Variants in TSPEAR observed in about 807,000 individuals in gnomAD.
TSPEAR encodes the protein thrombospondin-type laminin G domain and EAR repeat-containing protein.
A neutral mutation model predicts 71.6 loss-of-function variants in TSPEAR; 69 were observed. The ratio of observed to expected loss-of-function variants is 0.96; its 90% CI spans 0.79 to 1.18. TSPEAR has a LOEUF of 1.18. Ranked by LOEUF, TSPEAR falls within the 50% of genes most tolerant of loss-of-function variation. The probability of loss-of-function intolerance (pLI) is 0.00; values close to 1 mark genes in which losing one functional copy is unlikely to be tolerated. For missense variants in TSPEAR, 971 were observed against 894.9 expected (o/e 1.09, Z -1.09); for synonymous variants, 402 against 387.2 (o/e 1.04, Z -0.45).
At position 44,527,332 on chromosome 21, in the gene TSPEAR, T is replaced by C. The variant is rs1335158101; in HGVS notation, c.1109A>G (p.His370Arg). 9.9e-6 allele frequency: 16 copies of C among 1,614,036 alleles called. No homozygotes were observed. The highest frequency in any genetic ancestry group is 1.3e-5 in the Non-Finnish European group (15 of 1,180,034). Reference protein sequence around the residue: ...KFVSYQNIPTHQAQAWRHFTI... With the variant: ...KFVSYQNIPTRQAQAWRHFTI... ...GAAATGCCTCCAGGCCTGTGCTTGG[T>C]GCGTGGGGATGTTCTGATATGAGAC... The change falls in exon 7 of 12, where the codon CAC becomes CGC. Residue 370 changes from histidine (H) to arginine (R), a missense_variant. Physicochemically the swap from His to Arg is conservative, Grantham distance 29. Coordinates refer to ENST00000323084, the MANE Select transcript of TSPEAR (RefSeq NM_144991.3).
chr21:44,606,214 C>T (rs1981305634), intron 1 of TSPEAR, among the ~76,000 whole-genome samples: 1 of 139,334 alleles, frequency 7.2e-6, no homozygotes, highest in Non-Finnish European at 1.5e-5. Flanking sequence ...GGGCAAAAGA[C>T]CTAAACAGAC....
rs782491986 is a variant in TSPEAR at position 44,647,381 on chromosome 21, CTG to C, written c.82+64050_82+64051del. The C allele has an allele frequency of 3.1e-5, 50 of 1,605,118 alleles. No homozygotes were observed. The African/African-American group carries it at 4.3e-4, about 14-fold the overall frequency. ...GTGCTCAATCCTTGTCTCCTGCTGA[CTG>C]TGTCTTTGCTGCCAAGCAGGATTCT... On this transcript the variant is annotated intron_variant, in intron 1 of 11. Coordinates refer to ENST00000323084, the MANE Select transcript of TSPEAR (RefSeq NM_144991.3).
chr21:44,517,592 G>C (rs1026955486), intron 9 of TSPEAR: 1 of 372,372 alleles, frequency 2.7e-6, no homozygotes, highest in Non-Finnish European at 5.4e-6. Context: ...GCACAGGTCA[G>C]GTCAGCCCCT....
At chr21:44,684,155 A>C (rs1228291714) in intron 1 of TSPEAR, among the ~76,000 whole-genome samples, 2 of 152,214 alleles carry the variant, frequency 1.3e-5, no homozygotes, top group African/African-American at 2.4e-5. Context: ...TCTCATGAGA[A>C]ACAGTGGAGA....
rs375375671 is a variant in TSPEAR at position 44,575,730 on chromosome 21, GT to G, written c.83-7726del. ...AAATGCCTCCCTAGCTTCAAAATCA[GT>G]AGTCTTCATCGACATTGCCTAAAAC... On this transcript the variant is annotated intron_variant, in intron 1 of 11. Coordinates refer to ENST00000323084, the MANE Select transcript of TSPEAR (RefSeq NM_144991.3). Among the ~76,000 whole-genome samples, 250 of 152,342 alleles carry G rather than the reference GT, an allele frequency of 1.6e-3. 4 individuals carry two copies. The highest frequency in any genetic ancestry group is 5.5e-3 in the African/African-American group (230 of 41,570).
chr21:44,501,136 C>A (rs1057476826), intron 11 of TSPEAR, among the ~76,000 whole-genome samples: 11 of 152,348 alleles, frequency 7.2e-5, no homozygotes, highest in African/African-American at 2.6e-4. Context: ...AAAACCCATC[C>A]TTTTCTCATT....
intron 1 of TSPEAR, among the ~76,000 whole-genome samples, chr21:44,606,396 A>G (rs1409436507): frequency 6.6e-6 from 1 of 152,216 alleles, no homozygotes; most frequent in Non-Finnish European, 1.5e-5. Flanking sequence ...GGATGTAGAA[A>G]AGAGGGAGTC....
At chr21:44,573,176 T>C (rs185232335) in intron 1 of TSPEAR, among the ~76,000 whole-genome samples, 32 of 152,254 alleles carry the variant, frequency 2.1e-4, no homozygotes, top group African/African-American at 6.7e-4. Flanking sequence ...TGACTCACAT[T>C]ATCTTTACTT....
intron 1 of TSPEAR, chr21:44,677,892 G>A: frequency 7.2e-7 from 1 of 1,394,534 alleles, no homozygotes; most frequent in Admixed American, 1.8e-5. Context: ...AGCCCATTTG[G>A]CATATAGGAT....
rs1980721015 is a variant in TSPEAR, at chr21:44,600,511, G to C, written c.83-32506C>G. On this transcript the variant is annotated intron_variant, in intron 1 of 11. Coordinates refer to ENST00000323084, the MANE Select transcript of TSPEAR (RefSeq NM_144991.3). ...TGTTGACACTCCAGCTGGGACAACAGACCAGGGAGACATATAAAAGCCAAC... is the reference window on the plus strand; with the variant it reads ...TGTTGACACTCCAGCTGGGACAACACACCAGGGAGACATATAAAAGCCAAC... 1.6e-5 allele frequency: 21 copies of C among 1,300,240 alleles called. No homozygotes were observed. In the South Asian group the frequency reaches 3.0e-4, roughly 19 times the overall value. 80.5% of individuals were successfully genotyped at this position (1,300,240 alleles called of 1,614,324 possible). A position where few individuals can be genotyped will look rare whatever the true frequency, so the allele number is the denominator to read the frequency against.
intron 1 of TSPEAR, among the ~76,000 whole-genome samples, chr21:44,674,100 C>T (rs587677573): frequency 1.7e-4 from 24 of 140,820 alleles, no homozygotes; most frequent in Non-Finnish European, 3.3e-4. Context: ...GTCTGAGCAA[C>T]ACAGTAAGAC....
intron 1 of TSPEAR, among the ~76,000 whole-genome samples, chr21:44,659,485 T>C (rs1052114857): frequency 1.8e-4 from 28 of 152,096 alleles, no homozygotes; most frequent in African/African-American, 6.5e-4. Flanking sequence ...CACACACTAA[T>C]GGCCTGACAG....
chr21:44,521,366 A>C (rs1351225640), intron 9 of TSPEAR, among the ~76,000 whole-genome samples: 3 of 152,092 alleles, frequency 2.0e-5, no homozygotes, highest in African/African-American at 4.8e-5. Context: ...TGCTGCCTCA[A>C]CTCAAAGGTC....
intron 1 of TSPEAR, among the ~76,000 whole-genome samples, chr21:44,629,790 T>C (rs1207106237): frequency 6.6e-6 from 1 of 152,238 alleles, no homozygotes; most frequent in African/African-American, 2.4e-5. Flanking sequence ...ACCAAATGGT[T>C]CCTGTTTAGG....
In TSPEAR at chr21:44,642,319, T is replaced by C. The variant is rs1984061079; in HGVS notation, c.82+69114A>G. Among the ~76,000 whole-genome samples, 1 of 152,220 alleles carries C rather than the reference T, an allele frequency of 6.6e-6. No homozygotes were observed. On this transcript the variant is annotated intron_variant, in intron 1 of 11. Transcript: ENST00000323084. This position sits in a 1 kb window ranked among gnomAD's most constrained non-coding sequence, Gnocchi z 4.1. ...TCAGCCTTCAATACAAAGACTTTTC[T>C]GTGATACTTGAAATATTCCAGAGAT... is the stretch of plus-strand genomic sequence containing the variant.
At chr21:44,576,533 T>A (rs1354025232) in intron 1 of TSPEAR, among the ~76,000 whole-genome samples, 2 of 149,974 alleles carry the variant, frequency 1.3e-5, no homozygotes, top group Non-Finnish European at 3.0e-5. Context: ...ACCTCATGGG[T>A]GAACATGCCC....
chr21:44,573,707 C>T, intron 1 of TSPEAR: 2 of 1,584,550 alleles, frequency 1.3e-6, no homozygotes, highest in South Asian at 1.2e-5. Context: ...CACTCGCTCA[C>T]CCACTCCCTC....
At chr21:44,569,085 CAGG>C (rs2053748797) in intron 1 of TSPEAR, among the ~76,000 whole-genome samples, 1 of 152,198 alleles carries the variant, frequency 6.6e-6, no homozygotes, top group Admixed American at 6.5e-5. Flanking sequence ...CACTCCAGGC[CAGG>C]AGAAGGCACA....
At chr21:44,556,064 AT>A (rs748925065) in intron 2 of TSPEAR, among the ~76,000 whole-genome samples, 4 of 152,290 alleles carry the variant, frequency 2.6e-5, no homozygotes, top group Non-Finnish European at 5.9e-5. Flanking sequence ...GTTACAGAAA[AT>A]TTCCAGTTAT....
Sources: gnomAD v4.1 joint callset for allele counts (sites outside exome capture counted in the v4.1 genomes callset) on GRCh38, gnomAD v4.1.1 for gene constraint, Gnocchi (gnomAD v3.1) non-coding constraint, MANE v1.5 for transcripts, NCBI Gene and HGNC (gene_info 2026-07-23, HGNC 2026-07-21) for gene names.